The following SLCO1B1 variants were observed in gnomAD, a reference collection of about 807,000 sequenced individuals.
SLCO1B1 encodes OATP-2.
A neutral mutation model predicts 70.1 loss-of-function variants in SLCO1B1; 81 were observed. That is an observed-to-expected ratio of 1.16 (90% CI 0.97 to 1.39). SLCO1B1 has a LOEUF of 1.39. SLCO1B1 is among the 40% of genes most tolerant of loss of function. The probability of loss-of-function intolerance (pLI) is 0.00; values close to 1 mark genes in which losing one functional copy is unlikely to be tolerated. For synonymous variants in SLCO1B1, 283 were observed against 271.5 expected (o/e 1.04, Z -0.42); for missense variants, 895 against 799.6 (o/e 1.12, Z -1.44).
intron 7 of SLCO1B1, among the ~76,000 whole-genome samples, chr12:21,194,477 C>A (rs994093943): frequency 6.6e-6 from 1 of 151,922 alleles, no homozygotes; most frequent in Non-Finnish European, 1.5e-5. Context: ...ACAAGAGTGA[C>A]TTTTGCTCTA....
At chr12:21,136,680 A>G (rs1029639739) in intron 1 of SLCO1B1, among the ~76,000 whole-genome samples, 3 of 152,068 alleles carry the variant, frequency 2.0e-5, no homozygotes, top group African/African-American at 7.2e-5. Flanking sequence ...TTTCAGCTCC[A>G]TCAAGTCCTT....
intron 9 of SLCO1B1, among the ~76,000 whole-genome samples, chr12:21,202,187 C>T (rs1350119152): frequency 6.6e-6 from 1 of 152,090 alleles, no homozygotes; most frequent in Admixed American, 6.6e-5. Flanking sequence ...GGGAGGGGAA[C>T]ATCACACACC....
At chr12:21,133,072 T>G (rs1282823742) in intron 1 of SLCO1B1, among the ~76,000 whole-genome samples, 4 of 152,182 alleles carry the variant, frequency 2.6e-5, no homozygotes, top group South Asian at 2.1e-4. Context: ...TTTCCCAGCA[T>G]CATTTATTAA....
intron 7 of SLCO1B1, among the ~76,000 whole-genome samples, chr12:21,194,869 C>A (rs1238708503): frequency 2.7e-4 from 41 of 152,334 alleles, no homozygotes. Context: ...TCTGAGGAGA[C>A]CCCAAGGAGC....
chr12:21,202,004 G>A (rs12307943), intron 9 of SLCO1B1, among the ~76,000 whole-genome samples: 4,268 of 152,172 alleles, frequency 0.028, 209 homozygotes, highest in African/African-American at 0.094. Flanking sequence ...TGTGGCACAT[G>A]TGTACCATGG....
At chr12:21,230,519 A>G (rs1941523919) in intron 14 of SLCO1B1, among the ~76,000 whole-genome samples, 1 of 151,632 alleles carries the variant, frequency 6.6e-6, no homozygotes, top group Non-Finnish European at 1.5e-5. Flanking sequence ...TAGTAGAGAC[A>G]AGGTTTCTCC....
At chr12:21,206,758 C>T (rs988760113) in intron 11 of SLCO1B1, among the ~76,000 whole-genome samples, 1 of 151,894 alleles carries the variant, frequency 6.6e-6, no homozygotes, top group African/African-American at 2.4e-5. Context: ...TGGTGTTTCC[C>T]ATACCTACAA....
chr12:21,179,736 C>G (rs1039487248), intron 7 of SLCO1B1, among the ~76,000 whole-genome samples: 6 of 152,040 alleles, frequency 3.9e-5, no homozygotes, highest in Non-Finnish European at 7.4e-5. Context: ...ACATCTGTAT[C>G]CAATGTTGAT....
At chr12:21,131,984 C>T (rs1940142352) in intron 1 of SLCO1B1, among the ~76,000 whole-genome samples, 1 of 152,094 alleles carries the variant, frequency 6.6e-6, no homozygotes, top group African/African-American at 2.4e-5. Context: ...CTATCCCTCC[C>T]CTCTCCCCCA....
chr12:21,211,812 T>G (rs1941289969), intron 11 of SLCO1B1, among the ~76,000 whole-genome samples: 2 of 152,192 alleles, frequency 1.3e-5, no homozygotes, highest in South Asian at 4.1e-4. Context: ...GTCAAGGAAT[T>G]TATCCATTTC....
intron 7 of SLCO1B1, among the ~76,000 whole-genome samples, chr12:21,191,554 A>G (rs1381957119): frequency 5.3e-5 from 8 of 152,118 alleles, no homozygotes; most frequent in Admixed American, 3.3e-4. Context: ...AGGGTTTTCT[A>G]TATACAAAAT....
intron 10 of SLCO1B1, among the ~76,000 whole-genome samples, chr12:21,204,676 G>A (rs74066323): frequency 0.012 from 1,757 of 152,062 alleles, 43 homozygotes; most frequent in South Asian, 0.039. Flanking sequence ...AGGCTGCAAA[G>A]TTCTAGGTAG....
chr12:21,174,827 A>G (rs1565673191), intron 4 of SLCO1B1, 118 bp downstream of exon 4: 1 of 931,960 alleles, frequency 1.1e-6, no homozygotes, highest in East Asian at 2.5e-5. Context: ...ATACCCACTA[A>G]GTGTGTACAG....
intron 2 of SLCO1B1, among the ~76,000 whole-genome samples, chr12:21,149,317 T>A (rs1412759694): frequency 6.6e-6 from 1 of 152,200 alleles, no homozygotes; most frequent in Non-Finnish European, 1.5e-5. Context: ...TCAAAGGGAA[T>A]GCTTCCAGCT....
At chr12:21,150,853 A>G (rs1803804470) in intron 2 of SLCO1B1, among the ~76,000 whole-genome samples, 1 of 152,216 alleles carries the variant, frequency 6.6e-6, no homozygotes, top group Non-Finnish European at 1.5e-5. Flanking sequence ...GGTTTCATGT[A>G]GACAACATAT....
intron 12 of SLCO1B1, among the ~76,000 whole-genome samples, chr12:21,221,198 C>T (rs189913257): frequency 1.7e-4 from 26 of 152,226 alleles, no homozygotes; most frequent in Admixed American, 1.6e-3. Context: ...AAACCCACTG[C>T]CAACTTCATA....
intron 7 of SLCO1B1, among the ~76,000 whole-genome samples, chr12:21,195,955 A>G (rs532938387): frequency 6.6e-6 from 1 of 152,324 alleles, no homozygotes; most frequent in East Asian, 1.9e-4. Flanking sequence ...CATTCAGTCT[A>G]TGTTGAGCCA....
intron 1 of SLCO1B1, among the ~76,000 whole-genome samples, chr12:21,132,840 T>G (rs1022426242): frequency 2.0e-5 from 3 of 152,124 alleles, no homozygotes; most frequent in African/African-American, 7.2e-5. Context: ...AGTTTAATTA[T>G]ATCTCATTTG....
Position 21,172,774 on chromosome 12 carries a change from A to G in SLCO1B1, c.209A>G (p.Asp70Gly). The G allele has an allele frequency of 6.2e-7, 1 of 1,613,208 alleles. No homozygotes were observed. The highest frequency in any genetic ancestry group is 8.5e-7 in the Non-Finnish European group (1 of 1,179,652). The change falls in exon 3 of 15, where the codon GAC (aspartate) becomes GGC (glycine). Residue 70 changes from aspartate (D) to glycine (G), a missense_variant. Coordinates refer to ENST00000256958, the MANE Select transcript of SLCO1B1 (RefSeq NM_006446.5). Reference protein sequence around the residue: ...EISSSLVGFIDGSFEIGNLLV... With the variant: ...EISSSLVGFIGGSFEIGNLLV... ...TCCTCTTCTCTTGTTGGTTTTATTG[A>G]CGGAAGCTTTGAAATTGGTAACATT...
Sources: gnomAD v4.1 joint callset for allele counts (sites outside exome capture counted in the v4.1 genomes callset) on GRCh38, gnomAD v4.1.1 for gene constraint, MANE v1.5 for transcripts, NCBI Gene and HGNC (gene_info 2026-07-23, HGNC 2026-07-21) for gene names.